SNX29: variants seen among roughly 807,000 people sequenced by gnomAD.
SNX29 encodes the protein sorting nexin 29.
A neutral mutation model predicts 102.1 loss-of-function variants in SNX29; 78 were observed. The observed-to-expected ratio is 0.76, with a 90% CI of 0.64 to 0.92. The LOEUF (loss-of-function observed/expected upper bound fraction) is 0.92. Ranked by LOEUF, SNX29 falls within the 40% of genes least tolerant of loss-of-function variation. The pLI is 0.00. For synonymous variants in SNX29, 580 were observed against 414.5 expected (o/e 1.40, Z -4.85); for missense variants, 1,280 against 1,061.7 (o/e 1.21, Z -2.86).
At chr16:12,551,004 C>CT (rs1471147807) in intron 20 of SNX29, among the ~76,000 whole-genome samples, 1 of 152,172 alleles carries the variant, frequency 6.6e-6, no homozygotes, top group Non-Finnish European at 1.5e-5. Context: ...CTAAATATTT[C>CT]TTCTCTGGCC....
At chr16:12,175,365 G>T (rs905264287) in intron 13 of SNX29, among the ~76,000 whole-genome samples, 1 of 152,082 alleles carries the variant, frequency 6.6e-6, no homozygotes, top group African/African-American at 2.4e-5. Flanking sequence ...GGGGCTGGCC[G>T]GGCATGGTGG....
chr16:12,120,823 G>A (rs1405602148), intron 11 of SNX29, among the ~76,000 whole-genome samples: 8 of 152,146 alleles, frequency 5.3e-5, no homozygotes, highest in Middle Eastern at 3.2e-3. Context: ...GTATGGGACC[G>A]TGTCCCCTCC....
intron 10 of SNX29, among the ~76,000 whole-genome samples, chr16:12,074,835 C>G (rs2051472870): frequency 1.3e-5 from 2 of 152,170 alleles, no homozygotes; most frequent in Admixed American, 6.5e-5. Context: ...TTCATATAGT[C>G]CCATATTTCT....
intron 9 of SNX29, among the ~76,000 whole-genome samples, chr16:12,068,201 G>A (rs2051125362): frequency 6.6e-6 from 1 of 152,080 alleles, no homozygotes; most frequent in Non-Finnish European, 1.5e-5. Flanking sequence ...CACAGGCCAG[G>A]CACAGTTGCT....
At chr16:12,214,148 C>A (rs1291607444) in intron 14 of SNX29, among the ~76,000 whole-genome samples, 1 of 152,118 alleles carries the variant, frequency 6.6e-6, no homozygotes, top group Non-Finnish European at 1.5e-5. Context: ...CAGGGGCTTT[C>A]TTCTCCCAAA....
intron 20 of SNX29, among the ~76,000 whole-genome samples, chr16:12,567,508 G>T (rs1211294948): frequency 6.6e-6 from 1 of 152,138 alleles, no homozygotes; most frequent in Non-Finnish European, 1.5e-5. Flanking sequence ...GGATTGGCCA[G>T]GCACAGTGGC....
At chr16:12,521,011 C>G (rs2090077913) in intron 19 of SNX29, among the ~76,000 whole-genome samples, 2 of 152,002 alleles carry the variant, frequency 1.3e-5, no homozygotes, top group South Asian at 4.2e-4. Flanking sequence ...ACAGTCGTCA[C>G]TAGTAAAAAT....
intron 20 of SNX29, among the ~76,000 whole-genome samples, chr16:12,566,398 A>T (rs1329802359): frequency 1.5e-5 from 2 of 137,208 alleles, no homozygotes; most frequent in African/African-American, 5.7e-5. Flanking sequence ...TCTCCCAGGC[A>T]CTCTCAGAGC....
At chr16:12,307,886 C>T (rs1000077496) in intron 15 of SNX29, among the ~76,000 whole-genome samples, 2 of 152,222 alleles carry the variant, frequency 1.3e-5, no homozygotes, top group African/African-American at 4.8e-5. Context: ...TTCTGAACTC[C>T]TGGCCCACCA....
At chr16:12,262,965 G>A (rs1222822908) in intron 14 of SNX29, among the ~76,000 whole-genome samples, 1 of 152,144 alleles carries the variant, frequency 6.6e-6, no homozygotes, top group African/African-American at 2.4e-5. Context: ...ATTATCTTTT[G>A]AATGCAGTAG....
chr16:12,556,858 ATTTTTTT>A lies in SNX29; in HGVS notation c.2319-11642_2319-11636del, dbSNP rs923109471. Among the ~76,000 whole-genome samples, 3 of 148,782 alleles carry A rather than the reference ATTTTTTT, an allele frequency of 2.0e-5. No homozygotes were observed. In the East Asian group the frequency reaches 5.9e-4, roughly 29 times the overall value. Reference sequence around the variant, plus strand: ...GAAGTTTGATGGTGGAAAAAATTGAATTTTTTTTTTTTGAGATAGGGTCTCCGTCTGT... The same window carrying A: ...GAAGTTTGATGGTGGAAAAAATTGAATTTTTGAGATAGGGTCTCCGTCTGT... On this transcript the variant is annotated intron_variant, in intron 20 of 20. Transcript: ENST00000566228.
intron 13 of SNX29, among the ~76,000 whole-genome samples, chr16:12,163,828 G>A (rs759535254): frequency 2.0e-5 from 3 of 152,186 alleles, no homozygotes; most frequent in African/African-American, 4.8e-5. Flanking sequence ...TGGCTTGCTC[G>A]ATGGTGGTAC....
chr16:12,314,469 C>G (rs576475856), intron 15 of SNX29, among the ~76,000 whole-genome samples: 16 of 152,340 alleles, frequency 1.1e-4, no homozygotes, highest in African/African-American at 3.8e-4. Context: ...TGGCCTCAGC[C>G]GAGTTCCCTA....
intron 11 of SNX29, among the ~76,000 whole-genome samples, chr16:12,110,090 G>A (rs941664231): frequency 5.9e-5 from 9 of 152,090 alleles, no homozygotes; most frequent in African/African-American, 2.2e-4. Flanking sequence ...AAGTGAATAC[G>A]GAGGCTCCGA....
In SNX29 at chr16:12,297,452, A is replaced by C. The variant is rs983645169; in HGVS notation, c.1782+19416A>C. On this transcript the variant is annotated intron_variant, in intron 15 of 20. Transcript: ENST00000566228. Reference sequence around the variant, plus strand: ...AGAAATAATGACTGCCCCCAAGCCAAAGCTCTTTTCCTCGGTGTGTGTATT... The same window carrying C: ...AGAAATAATGACTGCCCCCAAGCCACAGCTCTTTTCCTCGGTGTGTGTATT... 5 of 152,174 alleles carry C rather than the reference A, an allele frequency of 3.3e-5. No individual in the cohort carries two copies. In the East Asian group the frequency reaches 7.7e-4, roughly 24 times the overall value. The allele number at this position is 152,174 out of a possible 1,614,324, so 9.4% of individuals were successfully genotyped here.
intron 11 of SNX29, among the ~76,000 whole-genome samples, chr16:12,089,349 TA>T (rs933470608): frequency 6.6e-6 from 1 of 151,444 alleles, no homozygotes; most frequent in African/African-American, 2.4e-5. Context: ...ATAAAAAAAT[TA>T]AAAAAACCCA....
At chr16:12,006,984 C>G (rs1273256655) in intron 3 of SNX29, among the ~76,000 whole-genome samples, 1 of 152,122 alleles carries the variant, frequency 6.6e-6, no homozygotes, top group Admixed American at 6.5e-5. Flanking sequence ...CTACGTTAGA[C>G]GTTTTGGAAC....
intron 19 of SNX29, among the ~76,000 whole-genome samples, chr16:12,512,024 G>A (rs1410854316): frequency 6.6e-6 from 1 of 152,016 alleles, no homozygotes; most frequent in Admixed American, 6.5e-5. Context: ...GGATACAGCC[G>A]TGAGGAGGAC....
rs1319579066 is a variant in SNX29 at position 12,096,103 on chromosome 16, C to T, written c.1402+17188C>T. Reference sequence around the variant, plus strand: ...GATGGTGGGGCAGTGGCCGTTAAATCGGCTGCAGTCTGAGCCCCCTGCCCC... The same window carrying T: ...GATGGTGGGGCAGTGGCCGTTAAATTGGCTGCAGTCTGAGCCCCCTGCCCC... On this transcript the variant is annotated intron_variant, in intron 11 of 20. Coordinates refer to ENST00000566228, the MANE Select transcript of SNX29 (RefSeq NM_032167.5). The surrounding 1 kb of genome is among the most constrained non-coding windows in gnomAD (Gnocchi z 4.2). Among the ~76,000 whole-genome samples, 2 of 152,218 alleles carry T rather than the reference C, an allele frequency of 1.3e-5. No individual in the cohort carries two copies. The highest frequency in any genetic ancestry group is 4.8e-5 in the African/African-American group (2 of 41,444).
Sources: gnomAD v4.1 joint callset for allele counts (sites outside exome capture counted in the v4.1 genomes callset) on GRCh38, gnomAD v4.1.1 for gene constraint, Gnocchi (gnomAD v3.1) non-coding constraint, MANE v1.5 for transcripts, NCBI Gene and HGNC (gene_info 2026-07-23, HGNC 2026-07-21) for gene names.